The following DDHD2 variants were observed in gnomAD, a reference collection of about 807,000 sequenced individuals.
DDHD2 encodes the protein triacylglycerol hydrolase DDHD2.
In DDHD2, 62 loss-of-function variants were observed where a neutral mutation model predicts 91.2. The ratio of observed to expected loss-of-function variants is 0.68; its 90% confidence interval spans 0.55 to 0.84. The LOEUF (loss-of-function observed/expected upper bound fraction) is 0.84. DDHD2 is among the 40% of genes least tolerant of loss of function. The pLI is 0.00. For missense variants in DDHD2, 740 were observed against 846.9 expected, an observed-to-expected ratio of 0.87 and a Z score of 1.57; for synonymous variants, 271 against 293.9, an observed-to-expected ratio of 0.92 and a Z score of 0.80.
intron 3 of DDHD2, among the ~76,000 whole-genome samples, chr8:38,234,892 C>T (rs1396498506): frequency 6.6e-6 from 1 of 152,066 alleles, no homozygotes; most frequent in African/African-American, 2.4e-5. Flanking sequence ...CTCAGCCTCC[C>T]AAGTAGCTGG....
At chr8:38,243,221 G>A (rs964224049) in intron 7 of DDHD2, among the ~76,000 whole-genome samples, 4 of 152,142 alleles carry the variant, frequency 2.6e-5, no homozygotes, top group Non-Finnish European at 5.9e-5. Flanking sequence ...ATCTTTCTGG[G>A]AATTTTAAGA....
intron 11 of DDHD2, 189 bp from the exon 12 acceptor site, chr8:38,251,723 T>C: frequency 1.9e-6 from 1 of 517,412 alleles, no homozygotes; most frequent in South Asian, 3.1e-5. Flanking sequence ...ATCCTTTGGC[T>C]ATACTTTTAC....
At chr8:38,264,906 C>T (rs1325381788), downstream of DDHD2, 1 of 1,612,644 alleles carries the variant, frequency 6.2e-7, no homozygotes, top group South Asian at 1.1e-5. Context: ...AACAAAGGTC[C>T]ACTTATTGCT....
chr8:38,253,290 A>C (rs1392497681), intron 15 of DDHD2, 163 bp downstream of exon 15: 2 of 854,202 alleles, frequency 2.3e-6, no homozygotes, highest in Non-Finnish European at 3.5e-6. Flanking sequence ...TCCTGCTTGC[A>C]TTTAGTATAA....
At chr8:38,269,061 C>T in intron 1 of DDHD2, 3 of 1,522,330 alleles carry the variant, frequency 2.0e-6, no homozygotes, top group Non-Finnish European at 2.6e-6. Flanking sequence ...CCCGACCCGC[C>T]GCCCCGTGCC....
At chr8:38,238,390 T>C in intron 5 of DDHD2, 181 bp downstream of exon 5, 1 of 1,376,304 alleles carries the variant, frequency 7.3e-7, no homozygotes, top group African/African-American at 1.5e-5. Flanking sequence ...GATGTAAAAA[T>C]ATCTTTTAAA....
intron 1 of DDHD2, chr8:38,268,271 G>T: frequency 8.5e-7 from 1 of 1,172,872 alleles, no homozygotes; most frequent in Non-Finnish European, 1.2e-6. Context: ...TAGGAATGCA[G>T]AACTCAGTGG....
At position 38,260,093 on chromosome 8, in the gene DDHD2, G is replaced by T; in HGVS notation, c.2108G>T (p.Gly703Val). ...CTCAAAGAGATCTACCAAACCCAGG[G>T]TATCTTCCTTGATCAGCCTTTACAG... ...LVLKEIYQTQ[G>V]IFLDQPLQ Residue 703 changes from glycine (G) to valine (V), a missense_variant, in exon 17 of 18, where the codon GGT (glycine) becomes GTT (valine). By Grantham distance (109) the Gly-to-Val change is moderately radical. Around this residue, in one of 2 missense-constraint regions of DDHD2, gnomAD observed 47 missense variants for 82.6 expected, o/e 0.57. Transcript: ENST00000397166. 6.2e-7 allele frequency: 1 copy of T among 1,613,560 alleles called. No individual in the cohort carries two copies. Among genetic ancestry groups the T allele is most frequent in the Non-Finnish European group, 8.5e-7 (1 of 1,179,580 alleles).
chr8:38,243,179 A>G (rs1489765974), intron 7 of DDHD2, among the ~76,000 whole-genome samples: 5 of 152,222 alleles, frequency 3.3e-5, no homozygotes, highest in Non-Finnish European at 7.3e-5. Flanking sequence ...CGTAGCCCTT[A>G]TAAATTGCAG....
chr8:38,233,108 A>G lies in DDHD2; in HGVS notation c.114A>G (p.Glu38=), dbSNP rs145837688. The change falls in exon 2 of 18, where the codon GAA becomes GAG. Residue 38 remains glutamate (E), a synonymous_variant. Transcript: ENST00000397166. ...ACATGGATGCTGGCAGCTTGTATGA[A>G]CCAGTTTCTCCCCATTGGTTTTATT... ...LIDMDAGSLY[E]PVSPHWFYCK... 1 of 1,613,978 alleles carries G rather than the reference A, an allele frequency of 6.2e-7. No homozygotes were observed. Among genetic ancestry groups the G allele is most frequent in the African/African-American group, 1.3e-5 (1 of 74,910 alleles).
chr8:38,259,418 G>A lies in DDHD2; in HGVS notation c.2055-622G>A, dbSNP rs570250973. ...TTTTTTTTTTTTTAGACGGAGTCTC[G>A]CCTATCTGCCAGGCTGGAGTGCAGT... On this transcript the variant is annotated intron_variant, in intron 16 of 17. Coordinates refer to ENST00000397166, the MANE Select transcript of DDHD2 (RefSeq NM_015214.3). Among the ~76,000 whole-genome samples, 150 of 145,808 alleles carry A rather than the reference G, an allele frequency of 1.0e-3. 2 individuals are homozygous for A. In the South Asian group the frequency reaches 0.012, roughly 12 times the overall value.
At chr8:38,266,247 T>C, downstream of DDHD2, 1 of 1,613,802 alleles carries the variant, frequency 6.2e-7, no homozygotes, top group African/African-American at 1.3e-5. Flanking sequence ...CACGGCCTTG[T>C]GGTGTGAAGC....
downstream of DDHD2, chr8:38,267,461 A>G (rs531569160): frequency 6.3e-7 from 1 of 1,576,070 alleles, no homozygotes; most frequent in South Asian, 1.2e-5. Flanking sequence ...TGTAGCAGAC[A>G]TTAATAATCC....
chr8:38,234,843 C>T (rs979099097), intron 3 of DDHD2, among the ~76,000 whole-genome samples: 7 of 151,418 alleles, frequency 4.6e-5, no homozygotes, highest in Admixed American at 6.6e-5. Flanking sequence ...TCTTGGCTCA[C>T]TGCAACCTCC....
chr8:38,260,018 A>G (rs1352737918), intron 16 of DDHD2, 22 bp from the exon 17 acceptor site: 2 of 1,521,428 alleles, frequency 1.3e-6, no homozygotes, highest in East Asian at 2.3e-5. Flanking sequence ...CCTTTTCTCA[A>G]CATAATTTTT....
At chr8:38,232,919 G>A (rs2130731552) in intron 1 of DDHD2, 68 bp from the exon 2 acceptor site, 1 of 1,025,522 alleles carries the variant, frequency 9.8e-7, no homozygotes, top group Middle Eastern at 2.1e-4. Flanking sequence ...GATTAGTTTT[G>A]TGCGTGTGTG....
In DDHD2 at chr8:38,241,358, A is replaced by C. The variant is rs376594448; in HGVS notation, c.713-892A>C. Among the ~76,000 whole-genome samples the C allele has an allele frequency of 9.7e-4, 147 of 151,758 alleles. 2 individuals carry two copies. In the Middle Eastern group the frequency reaches 0.014, roughly 14 times the overall value. ...AAAAAAAAATGAAACAGTTCTCATG[A>C]TGCCGACGTTTTGAAGTTTAGCTTT... On this transcript the variant is annotated intron_variant, in intron 6 of 17. Transcript: ENST00000397166.
At position 38,269,059 on chromosome 8, in the gene DDHD2, G is replaced by A. The variant is rs371273038; in HGVS notation, n.88-2063G>A. On this transcript the variant is annotated intron_variant and non_coding_transcript_variant, in intron 1 of 1. Coordinates refer to the DDHD2 transcript ENST00000526071. ...TCCCCGCTTCCCCACTGCCCGACCC[G>A]CCGCCCCGTGCCGCCCGCCTGCCTG... is the stretch of plus-strand genomic sequence containing the variant. 36 of 1,520,622 alleles carry A rather than the reference G, an allele frequency of 2.4e-5. No homozygotes were observed. The East Asian group carries it at 2.4e-4, about 10-fold the overall frequency. 94.2% of individuals were successfully genotyped at this position (1,520,622 alleles called of 1,614,324 possible).
intron 16 of DDHD2, among the ~76,000 whole-genome samples, chr8:38,259,455 G>A (rs910030823): frequency 6.6e-6 from 1 of 151,220 alleles, no homozygotes; most frequent in African/African-American, 2.4e-5. Context: ...GTGCAATCTC[G>A]GCTCACTGCA....
Sources: gnomAD v4.1 joint callset for allele counts (sites outside exome capture counted in the v4.1 genomes callset) on GRCh38, gnomAD v4.1.1 for gene constraint, gnomAD v4.1.1 regional missense constraint, MANE v1.5 for transcripts, NCBI Gene and HGNC (gene_info 2026-07-23, HGNC 2026-07-21) for gene names.